The following FOXK1 variants were observed in gnomAD, a reference collection of about 807,000 sequenced individuals.
FOXK1 encodes forkhead box K1, also known as forkhead box protein K1.
Under a neutral mutation model 51.9 loss-of-function variants are expected in FOXK1, and 19 were observed. That is an observed-to-expected ratio of 0.37 (90% CI 0.26 to 0.54). The LOEUF (loss-of-function observed/expected upper bound fraction) is 0.54, where lower values mean the gene tolerates loss of function less well. FOXK1 is among the 20% of genes least tolerant of loss of function. FOXK1 has a pLI of 0.87. For synonymous variants in FOXK1, 537 were observed against 482.6 expected (o/e 1.11, Z -1.48); for missense variants, 870 against 1,032.7 (o/e 0.84, Z 2.16).
At position 4,723,548 on chromosome 7, in the gene FOXK1, C is replaced by T. The variant is rs1192157216; in HGVS notation, c.561-17290C>T. Among the ~76,000 whole-genome samples the T allele has an allele frequency of 6.6e-6, 1 of 152,152 alleles. No homozygotes were observed. The highest frequency in any genetic ancestry group is 1.5e-5 in the Non-Finnish European group (1 of 68,034). On this transcript the variant is annotated intron_variant, in intron 1 of 8. Transcript: ENST00000328914. The surrounding 1 kb of genome is among the most constrained non-coding windows in gnomAD (Gnocchi z 4.7). ...TCTAGGGCCTGTCCATCCCGTCAGC[C>T]CACGGTGCCTCTACAAACACAGGTC...
chr7:4,737,192 C>T (rs1484439567), intron 1 of FOXK1, among the ~76,000 whole-genome samples: 2 of 152,200 alleles, frequency 1.3e-5, no homozygotes, highest in Non-Finnish European at 2.9e-5. Context: ...TTCTACTTGG[C>T]CTTGATGGCT....
At chr7:4,701,976 G>C (rs1197127769) in intron 1 of FOXK1, among the ~76,000 whole-genome samples, 5 of 152,214 alleles carry the variant, frequency 3.3e-5, no homozygotes, top group African/African-American at 1.2e-4. Flanking sequence ...TTGGGAGGCT[G>C]AGGTGAGAAG....
intron 1 of FOXK1, among the ~76,000 whole-genome samples, chr7:4,698,077 G>A (rs1779975890): frequency 6.6e-6 from 1 of 152,014 alleles, no homozygotes; most frequent in Admixed American, 6.6e-5. Flanking sequence ...CTCCTGCCTT[G>A]GCCTCCCAAA....
rs952198615 is a variant in FOXK1 at position 4,762,627 on chromosome 7, G to A, written c.*163G>A. 1 of 643,994 alleles carries A rather than the reference G, an allele frequency of 1.6e-6. No homozygotes were observed. Among genetic ancestry groups the A allele is most frequent in the Non-Finnish European group, 2.6e-6 (1 of 378,980 alleles). 39.9% of individuals were successfully genotyped at this position (643,994 alleles called of 1,614,324 possible). ...CCCAGCCCTTTCCATTTGATCGCCT[G>A]CCTTCCCGTGGTTTAAGACAAAAAC... is the stretch of plus-strand genomic sequence containing the variant. On this transcript the variant is annotated 3_prime_UTR_variant, in exon 9 of 9. Coordinates refer to ENST00000328914, the MANE Select transcript of FOXK1 (RefSeq NM_001037165.2). The surrounding 1 kb of genome is among the most constrained non-coding windows in gnomAD (Gnocchi z 5.7).
chr7:4,690,697 G>A (rs1246833790), intron 1 of FOXK1, among the ~76,000 whole-genome samples: 3 of 151,906 alleles, frequency 2.0e-5, no homozygotes, highest in Non-Finnish European at 4.4e-5. Context: ...TGCTAAAAGT[G>A]TAGGATGTAG....
chr7:4,748,729 T>G lies in FOXK1; in HGVS notation c.747-5730T>G, dbSNP rs1780736893. 6.6e-6 allele frequency among the ~76,000 whole-genome samples: 1 copy of G among 152,158 alleles called. No homozygotes were observed. The stretch of plus-strand genomic sequence containing the variant: ...ACAGACTTTTCATTTATTCACTGAT[T>G]TAAGAGACAAGGTCTCACTTTGTTG... On this transcript the variant is annotated intron_variant, in intron 2 of 8. Transcript: ENST00000328914. The surrounding 1 kb of genome is among the most constrained non-coding windows in gnomAD (Gnocchi z 4.9).
At chr7:4,705,987 TATATAC>T (rs1780090468) in intron 1 of FOXK1, among the ~76,000 whole-genome samples, 3 of 104,748 alleles carry the variant, frequency 2.9e-5, no homozygotes, top group African/African-American at 1.8e-4. Flanking sequence ...TATATACGTA[TATATAC>T]GTATATATAC....
intron 2 of FOXK1, among the ~76,000 whole-genome samples, chr7:4,751,146 C>T (rs188935661): frequency 1.3e-5 from 2 of 151,686 alleles, no homozygotes; most frequent in African/African-American, 2.4e-5. Context: ...TCCAGAGTAG[C>T]TGGTACTACA....
chr7:4,737,576 A>ATGTGTGTGTGTGTGTGTG (rs1562384072), intron 1 of FOXK1, among the ~76,000 whole-genome samples: 2 of 113,674 alleles, frequency 1.8e-5, no homozygotes, highest in African/African-American at 7.0e-5. Context: ...GTGTGTGTGC[A>ATGTGTGTGTGTGTGTGTG]TGCATGTGTT....
chr7:4,706,299 TTAAAA>T (rs374364988), intron 1 of FOXK1, among the ~76,000 whole-genome samples: 107 of 152,238 alleles, frequency 7.0e-4, no homozygotes, highest in African/African-American at 2.3e-3. Context: ...GCTTAAATAC[TTAAAA>T]TAAAATACCC....
chr7:4,724,576 G>A (rs1780355006), intron 1 of FOXK1, among the ~76,000 whole-genome samples: 2 of 152,148 alleles, frequency 1.3e-5, no homozygotes, highest in African/African-American at 2.4e-5. Context: ...GTCCAAATGT[G>A]TCAATCAGGG....
At chr7:4,695,238 C>T (rs1207486118) in intron 1 of FOXK1, among the ~76,000 whole-genome samples, 2 of 152,222 alleles carry the variant, frequency 1.3e-5, no homozygotes, top group Non-Finnish European at 2.9e-5. Flanking sequence ...CCACCTCCCT[C>T]GGGTTGGAGT....
Position 4,763,844 on chromosome 7 carries a change from G to A in FOXK1, c.*1380G>A, listed in dbSNP as rs74545816. The A allele has an allele frequency of 0.019, 2,853 of 152,432 alleles. 41 individuals carry two copies. Among genetic ancestry groups the A allele is most frequent in the Middle Eastern group, 0.047 (14 of 296 alleles). 9.4% of individuals were successfully genotyped at this position (152,432 alleles called of 1,614,324 possible). A position where few individuals can be genotyped will look rare whatever the true frequency, so the allele number is the denominator to read the frequency against. Reference sequence around the variant, plus strand: ...TCTTGGAGATGCGAAGTGCGTCCTCGTAAAGGTCAGCTGTCAGTTTTGCTG... The same window carrying A: ...TCTTGGAGATGCGAAGTGCGTCCTCATAAAGGTCAGCTGTCAGTTTTGCTG... On this transcript the variant is annotated 3_prime_UTR_variant, in exon 9 of 9. Transcript: ENST00000328914.
chr7:4,689,096 G>T (rs1779858475), intron 1 of FOXK1, among the ~76,000 whole-genome samples: 1 of 151,838 alleles, frequency 6.6e-6, no homozygotes, highest in Non-Finnish European at 1.5e-5. Context: ...TCCTGCCTCA[G>T]CCTCCTGAGT....
At chr7:4,759,753 T>C (rs891818594) in intron 7 of FOXK1, 158 bp downstream of exon 7, 6 of 914,586 alleles carry the variant, frequency 6.6e-6, no homozygotes, top group Non-Finnish European at 9.6e-6. Context: ...CAGCATGAGC[T>C]GGGCAGGTGG....
intron 3 of FOXK1, 45 bp downstream of exon 3, chr7:4,754,660 C>T (rs771056179): frequency 7.1e-5 from 113 of 1,580,908 alleles, no homozygotes; most frequent in Non-Finnish European, 9.1e-5. Context: ...GACCCAGGAT[C>T]GGGCCATAGT....
chr7:4,713,862 G>A (rs1425222555), intron 1 of FOXK1, among the ~76,000 whole-genome samples: 5 of 146,258 alleles, frequency 3.4e-5, no homozygotes, highest in African/African-American at 7.6e-5. Flanking sequence ...TTTTGCTCTT[G>A]TTGCCCAGGC....
At chr7:4,746,911 C>T (rs1329653870) in intron 2 of FOXK1, among the ~76,000 whole-genome samples, 1 of 152,220 alleles carries the variant, frequency 6.6e-6, no homozygotes, top group Non-Finnish European at 1.5e-5. Context: ...CTCCCCACCC[C>T]ACCACACCCT....
intron 1 of FOXK1, among the ~76,000 whole-genome samples, chr7:4,700,416 T>G (rs1273185635): frequency 6.6e-6 from 1 of 152,248 alleles, no homozygotes; most frequent in Non-Finnish European, 1.5e-5. Flanking sequence ...CTTGGGCAAG[T>G]GGATTGACCC....
Sources: gnomAD v4.1 joint callset for allele counts (sites outside exome capture counted in the v4.1 genomes callset) on GRCh38, gnomAD v4.1.1 for gene constraint, Gnocchi (gnomAD v3.1) non-coding constraint, MANE v1.5 for transcripts, NCBI Gene and HGNC (gene_info 2026-07-23, HGNC 2026-07-21) for gene names.